Variants in CSMD1 observed in about 807,000 individuals in gnomAD.
CSMD1 encodes the protein CUB and sushi domain-containing protein 1.
CSMD1 carries 213 observed loss-of-function variants against 417.5 expected under a neutral mutation model. That is an observed-to-expected ratio of 0.51 (90% confidence interval 0.46 to 0.57). CSMD1 has a LOEUF of 0.57. CSMD1 is among the 20% of genes least tolerant of loss of function. The pLI is 0.00. For missense variants in CSMD1, 6,923 were observed against 4,529.7 expected (o/e 1.53, Z -15.17); for synonymous variants, 2,862 against 1,736.8 (o/e 1.65, Z -16.11).
At chr8:4,724,936 G>A (rs186010000) in intron 1 of CSMD1, among the ~76,000 whole-genome samples, 1 of 151,988 alleles carries the variant, frequency 6.6e-6, no homozygotes, top group South Asian at 2.1e-4. Flanking sequence ...TAAGAAGGTT[G>A]TTACAGTTGT....
At chr8:4,916,701 T>A (rs1455480556) in intron 1 of CSMD1, among the ~76,000 whole-genome samples, 1 of 152,216 alleles carries the variant, frequency 6.6e-6, no homozygotes, top group African/African-American at 2.4e-5. Flanking sequence ...TTTAATGAAT[T>A]GTAAGGCACC....
At chr8:4,701,158 C>T (rs1807512065) in intron 1 of CSMD1, among the ~76,000 whole-genome samples, 1 of 151,944 alleles carries the variant, frequency 6.6e-6, no homozygotes, top group Non-Finnish European at 1.5e-5. Context: ...GCTGTGGGCT[C>T]CCCCACAGCT....
intron 18 of CSMD1, 147 bp from the exon 19 acceptor site, chr8:3,369,517 A>C (rs1444222070): frequency 3.4e-6 from 2 of 592,446 alleles, no homozygotes; most frequent in Non-Finnish European, 6.0e-6. Flanking sequence ...CCTGAGCTTT[A>C]TGTTACTTGC....
intron 1 of CSMD1, among the ~76,000 whole-genome samples, chr8:4,842,421 C>T (rs1800898037): frequency 6.6e-6 from 1 of 152,144 alleles, no homozygotes; most frequent in Non-Finnish European, 1.5e-5. Flanking sequence ...AATGCAAGCC[C>T]AATTATAGTT....
intron 5 of CSMD1, among the ~76,000 whole-genome samples, chr8:3,794,985 C>CTATCATATATAGCTATAGATACA (rs1563086741): frequency 2.3e-5 from 2 of 86,106 alleles, no homozygotes; most frequent in African/African-American, 9.4e-5. Context: ...AGATATATAT[C>CTATCATATATAGCTATAGATACA]TATCTATCAT....
At chr8:3,339,915 T>G (rs929966854) in intron 23 of CSMD1, among the ~76,000 whole-genome samples, 1 of 152,228 alleles carries the variant, frequency 6.6e-6, no homozygotes, top group African/African-American at 2.4e-5. Flanking sequence ...TAAAAAGCAG[T>G]GTTTTCTAAC....
At chr8:4,432,512 G>T (rs1797925961) in intron 2 of CSMD1, among the ~76,000 whole-genome samples, 1 of 152,144 alleles carries the variant, frequency 6.6e-6, no homozygotes, top group Non-Finnish European at 1.5e-5. Flanking sequence ...GCTGGTAAAT[G>T]CTCGGAGTGT....
chr8:4,987,554 A>G (rs1811244231), intron 1 of CSMD1, among the ~76,000 whole-genome samples: 1 of 152,210 alleles, frequency 6.6e-6, no homozygotes, highest in African/African-American at 2.4e-5. Context: ...GCTCCCCAAA[A>G]TATATCACGC....
intron 2 of CSMD1, among the ~76,000 whole-genome samples, chr8:4,446,795 G>GTT (rs1554480689): frequency 2.3e-5 from 3 of 128,958 alleles, no homozygotes; most frequent in African/African-American, 5.5e-5. Context: ...GTGTGTGTGT[G>GTT]TATTTTTAGT....
In CSMD1 at chr8:4,920,330, G is replaced by A. The variant is rs1010633602; in HGVS notation, c.85+74002C>T. ...GTCAATTTCTTGAGTCTACACATAG[G>A]AAAATTAGAATATTAATAACAAAGT... On this transcript the variant is annotated intron_variant, in intron 1 of 69. Coordinates refer to ENST00000635120, the MANE Select transcript of CSMD1 (RefSeq NM_033225.6). Among the ~76,000 whole-genome samples the A allele has an allele frequency of 1.3e-5, 2 of 152,080 alleles. 1 individual carries two copies. The highest frequency in any genetic ancestry group is 4.1e-4 in the South Asian group (2 of 4,824).
chr8:3,470,994 G>T (rs372477281), intron 11 of CSMD1, among the ~76,000 whole-genome samples: 1 of 152,136 alleles, frequency 6.6e-6, no homozygotes, highest in Admixed American at 6.5e-5. Flanking sequence ...GTGTGTGCAG[G>T]TTTCTGTGTG....
chr8:3,471,272 G>C (rs879436297), intron 11 of CSMD1, among the ~76,000 whole-genome samples: 13 of 152,060 alleles, frequency 8.5e-5, no homozygotes, highest in Non-Finnish European at 1.6e-4. Context: ...CCATTTATAC[G>C]TCTTCTTGAA....
chr8:3,433,693 G>A (rs1192547097), intron 12 of CSMD1, among the ~76,000 whole-genome samples: 1 of 152,164 alleles, frequency 6.6e-6, no homozygotes, highest in Non-Finnish European at 1.5e-5. Context: ...GAAAGTGACA[G>A]AATGCCTGCA....
At chr8:3,922,942 T>C (rs763535088) in intron 5 of CSMD1, among the ~76,000 whole-genome samples, 6 of 152,168 alleles carry the variant, frequency 3.9e-5, no homozygotes, top group African/African-American at 1.2e-4. Context: ...CCGAAACAGA[T>C]TGTGTGAGCC....
chr8:4,146,131 G>C (rs919317032), intron 3 of CSMD1, among the ~76,000 whole-genome samples: 1 of 150,800 alleles, frequency 6.6e-6, no homozygotes, highest in Non-Finnish European at 1.5e-5. Flanking sequence ...GGAATTCAGA[G>C]CCTACATATG....
At position 4,151,932 on chromosome 8, in the gene CSMD1, T is replaced by G. The variant is rs145006079; in HGVS notation, c.416-119833A>C. Among the ~76,000 whole-genome samples, 328 of 152,328 alleles carry G rather than the reference T, an allele frequency of 2.2e-3. 1 individual carries two copies. Among genetic ancestry groups the G allele is most frequent in the African/African-American group, 7.6e-3 (314 of 41,576 alleles). On this transcript the variant is annotated intron_variant, in intron 3 of 69. Transcript: ENST00000635120. The stretch of plus-strand genomic sequence containing the variant: ...TTTGTCTATCAGCAGAGATAAGTTT[T>G]GCCTGCATAAAATCAATGGGAGGTG...
rs143742233 is a variant in CSMD1 at position 3,061,164 on chromosome 8, A to G, written c.7475-8517T>C. Among the ~76,000 whole-genome samples, 65 of 152,336 alleles carry G rather than the reference A, an allele frequency of 4.3e-4. 2 individuals carry two copies. The East Asian group carries it at 0.011, about 26-fold the overall frequency. ...TGTTTATGACTCGGACAATGTATAT[A>G]AAGTATCCAAACCTTTGCTTCCTCA... On this transcript the variant is annotated intron_variant, in intron 49 of 69. Transcript: ENST00000635120.
At chr8:3,684,894 C>G (rs866077235) in intron 7 of CSMD1, among the ~76,000 whole-genome samples, 2 of 152,200 alleles carry the variant, frequency 1.3e-5, no homozygotes, top group Middle Eastern at 3.4e-3. Flanking sequence ...TCTAAATTCT[C>G]TTCTGAAATT....
chr8:4,791,284 A>C lies in CSMD1; in HGVS notation c.86-153726T>G, dbSNP rs202192724. Among the ~76,000 whole-genome samples the C allele has an allele frequency of 2.1e-4, 32 of 152,294 alleles. No homozygotes were observed. The East Asian group carries it at 4.6e-3, about 22-fold the overall frequency. On this transcript the variant is annotated intron_variant, in intron 1 of 69. Coordinates refer to ENST00000635120, the MANE Select transcript of CSMD1 (RefSeq NM_033225.6). ...CTGTCATGGACACAGACCTTCACGA[A>C]GGTGGGCCTCTTTCCATACCAGGCT...
Sources: allele counts gnomAD v4.1 joint callset (sites outside exome capture counted in the v4.1 genomes callset), GRCh38; gene constraint gnomAD v4.1.1; transcripts MANE v1.5; gene names NCBI Gene and HGNC (gene_info 2026-07-23, HGNC 2026-07-21).